Variants in HERC4 observed in about 807,000 individuals in gnomAD.
HERC4 encodes probable E3 ubiquitin-protein ligase HERC4.
A neutral mutation model predicts 124.3 loss-of-function variants in HERC4; 28 were observed. The observed-to-expected ratio is 0.23, with a 90% confidence interval of 0.17 to 0.31. The LOEUF (loss-of-function observed/expected upper bound fraction) is 0.31, where lower values mean the gene tolerates loss of function less well. Ranked by LOEUF, HERC4 falls within the 10% of genes least tolerant of loss-of-function variation. The probability of loss-of-function intolerance (pLI) is 1.00; values close to 1 mark genes in which losing one functional copy is unlikely to be tolerated. For missense variants in HERC4, 713 were observed against 1,229.3 expected, an observed-to-expected ratio of 0.58 and a Z score of 6.28; for synonymous variants, 407 against 421.5, an observed-to-expected ratio of 0.97 and a Z score of 0.42.
At chr10:68,040,549 G>A in intron 4 of HERC4, 4 of 561,212 alleles carry the variant, frequency 7.1e-6, no homozygotes, top group Non-Finnish European at 9.0e-6. Flanking sequence ...AAAAGATAAT[G>A]TGTTTAATCA....
intron 9 of HERC4, among the ~76,000 whole-genome samples, chr10:68,012,389 G>T (rs995769901): frequency 3.9e-5 from 6 of 152,112 alleles, no homozygotes; most frequent in Admixed American, 6.6e-5. Flanking sequence ...GATTTAAAGT[G>T]AGAAATGTGA....
rs2031963905 is a variant in HERC4, at chr10:67,932,798, C to G, written c.2655-18G>C. 6.4e-7 allele frequency: 1 copy of G among 1,571,708 alleles called. No homozygotes were observed. The highest frequency in any genetic ancestry group is 8.6e-7 in the Non-Finnish European group (1 of 1,166,284). ...ACTCTTGCCTAGAAATGAAAAAGCA[C>G]ACATGTACAGATTATAAAAATCATG... On this transcript the variant is annotated intron_variant, in intron 22 of 24. Coordinates refer to ENST00000373700, the MANE Select transcript of HERC4 (RefSeq NM_015601.4).
intron 3 of HERC4, among the ~76,000 whole-genome samples, chr10:68,051,057 GATTAAACCACATCA>G (rs2040271201): frequency 7.1e-6 from 1 of 141,286 alleles, no homozygotes; most frequent in Non-Finnish European, 1.5e-5. Flanking sequence ...GTTAAGGGGG[GATTAAACCACATCA>G]ATTGATGATC....
In HERC4 at chr10:67,955,562, A is replaced by T. The variant is rs140290933; in HGVS notation, c.2026-432T>A. On this transcript the variant is annotated intron_variant, in intron 17 of 24. Coordinates refer to ENST00000373700, the MANE Select transcript of HERC4 (RefSeq NM_015601.4). ...CAATGAGGGCAGATTACTTGAGGTC[A>T]GGAGTTCAAGACCAGCCTGGCCAAC... 3.2e-4 allele frequency: 49 copies of T among 153,488 alleles called. No individual in the cohort carries two copies. The East Asian group carries it at 4.4e-3, about 14-fold the overall frequency. The allele number at this position is 153,488 out of a possible 1,614,324, so 9.5% of individuals were successfully genotyped here. A position where few individuals can be genotyped will look rare whatever the true frequency, so the allele number is the denominator to read the frequency against.
intron 6 of HERC4, among the ~76,000 whole-genome samples, chr10:68,033,453 A>G (rs2039311376): frequency 6.6e-6 from 1 of 152,212 alleles, no homozygotes; most frequent in African/African-American, 2.4e-5. Context: ...ACTGGCATTC[A>G]ACTCAATGTA....
intron 3 of HERC4, among the ~76,000 whole-genome samples, chr10:68,072,483 G>C (rs867206059): frequency 3.3e-5 from 5 of 152,050 alleles, no homozygotes; most frequent in Admixed American, 1.3e-4. Flanking sequence ...AAAGTAAAAA[G>C]CTTCCGTCTT....
In HERC4 at chr10:68,059,843, T is replaced by TATATATCATAATATTATATATTATA. The variant is rs1564609908; in HGVS notation, c.226+13039_226+13040insTATAATATATAATATTATGATATAT. 1.9e-4 allele frequency among the ~76,000 whole-genome samples: 5 copies of TATATATCATAATATTATATATTATA among 26,306 alleles called. 2 individuals are homozygous for TATATATCATAATATTATATATTATA. The African/African-American group carries it at 2.2e-3, about 11-fold the overall frequency. 17.3% of individuals were successfully genotyped at this position (26,306 alleles called of 152,430 possible). A position where few individuals can be genotyped will look rare whatever the true frequency, so the allele number is the denominator to read the frequency against. On this transcript the variant is annotated intron_variant, in intron 3 of 24. Coordinates refer to ENST00000373700, the MANE Select transcript of HERC4 (RefSeq NM_015601.4). The stretch of plus-strand genomic sequence containing the variant: ...TATATCATAATATTATATATTATAA[T>TATATATCATAATATTATATATTATA]ATATTATATATCATAATATTATATA...
At chr10:68,011,366 C>T (rs2037944655) in intron 9 of HERC4, among the ~76,000 whole-genome samples, 1 of 152,188 alleles carries the variant, frequency 6.6e-6, no homozygotes, top group African/African-American at 2.4e-5. Context: ...TTACTTTGCC[C>T]AGAACTATCA....
At position 67,932,575 on chromosome 10, in the gene HERC4, T is replaced by G. The variant is rs201431244; in HGVS notation, c.2838+22A>C. 721 of 1,581,984 alleles carry G rather than the reference T, an allele frequency of 4.6e-4. 2 individuals carry two copies. The African/African-American group carries it at 8.8e-3, about 19-fold the overall frequency. On this transcript the variant is annotated intron_variant, in intron 23 of 24. Coordinates refer to ENST00000373700, the MANE Select transcript of HERC4 (RefSeq NM_015601.4). Reference sequence around the variant, plus strand: ...ATATAAATCTTTCCATTTAACAATATCAGAGATTAGTTTTCCCCTACCTTT... The same window carrying G: ...ATATAAATCTTTCCATTTAACAATAGCAGAGATTAGTTTTCCCCTACCTTT...
intron 6 of HERC4, among the ~76,000 whole-genome samples, chr10:68,033,572 ATT>A (rs2039317156): frequency 6.6e-6 from 1 of 152,224 alleles, no homozygotes; most frequent in Non-Finnish European, 1.5e-5. Flanking sequence ...CCAACCAAAG[ATT>A]AATTTAACAG....
chr10:67,939,923 T>G (rs1564930513), intron 20 of HERC4, among the ~76,000 whole-genome samples: 1 of 152,080 alleles, frequency 6.6e-6, no homozygotes. Flanking sequence ...TTTTCCTTAT[T>G]TTATTTTATT....
At chr10:68,039,460 A>G in intron 4 of HERC4, 1 of 1,550,926 alleles carries the variant, frequency 6.4e-7, no homozygotes, top group Non-Finnish European at 8.7e-7. Context: ...CTGACCAGAG[A>G]GTCGACACAC....
rs1012026403 is a variant in HERC4, at chr10:68,044,335, A to C, written c.386+69T>G. On this transcript the variant is annotated intron_variant, in intron 4 of 24. Coordinates refer to ENST00000373700, the MANE Select transcript of HERC4 (RefSeq NM_015601.4). Reference sequence around the variant, plus strand: ...AACTCTTACAGGCCCAAAGATAAGCAGAACAATTTAGATTAACAAATTTAT... The same window carrying C: ...AACTCTTACAGGCCCAAAGATAAGCCGAACAATTTAGATTAACAAATTTAT... 2.1e-6 allele frequency: 3 copies of C among 1,459,156 alleles called. No homozygotes were observed. The African/African-American group carries it at 4.3e-5, about 21-fold the overall frequency. 90.4% of individuals were successfully genotyped at this position (1,459,156 alleles called of 1,614,324 possible).
chr10:67,925,055 T>C (rs1193057096), intron 24 of HERC4, 30 bp downstream of exon 24: 32 of 1,211,542 alleles, frequency 2.6e-5, no homozygotes, highest in Non-Finnish European at 3.5e-5. Context: ...TCCAGTCTCA[T>C]AAAGTATACA....
chr10:67,957,294 C>T (rs552170914), intron 16 of HERC4, among the ~76,000 whole-genome samples: 1 of 152,206 alleles, frequency 6.6e-6, no homozygotes, highest in Non-Finnish European at 1.5e-5. Flanking sequence ...TTGGGGGCTC[C>T]TATGTTAAAT....
chr10:68,040,523 C>T lies in HERC4; in HGVS notation c.387-2354G>A, dbSNP rs371576019. On this transcript the variant is annotated intron_variant, in intron 4 of 24. Coordinates refer to ENST00000373700, the MANE Select transcript of HERC4 (RefSeq NM_015601.4). The stretch of plus-strand genomic sequence containing the variant: ...TTTGTTAGAACTCATCAAAAGTAAT[C>T]CCCTTTGTCACATAAAAAAGATAAT... 125 of 631,822 alleles carry T rather than the reference C, an allele frequency of 2.0e-4. 2 individuals carry two copies. The South Asian group carries it at 7.8e-3, about 39-fold the overall frequency. The allele number at this position is 631,822 out of a possible 1,614,324, so 39.1% of individuals were successfully genotyped here.
intron 7 of HERC4, among the ~76,000 whole-genome samples, chr10:68,027,894 A>C (rs2038985398): frequency 1.3e-5 from 2 of 151,654 alleles, no homozygotes; most frequent in Non-Finnish European, 2.9e-5. Context: ...ACTGCACTCC[A>C]GCCTGGGCAA....
intron 9 of HERC4, among the ~76,000 whole-genome samples, 186 bp downstream of exon 9, chr10:68,013,839 GA>G (rs1332490599): frequency 6.6e-6 from 1 of 152,118 alleles, no homozygotes; most frequent in East Asian, 1.9e-4. Flanking sequence ...TACTTATCCA[GA>G]ATTTCCTTAT....
intron 5 of HERC4, among the ~76,000 whole-genome samples, chr10:68,035,862 G>A (rs918973889): frequency 5.3e-5 from 8 of 152,052 alleles, no homozygotes; most frequent in Non-Finnish European, 7.4e-5. Flanking sequence ...GTCTAGTACC[G>A]CTGTCCTATG....
Sources: gnomAD v4.1 joint callset for allele counts (sites outside exome capture counted in the v4.1 genomes callset) on GRCh38, gnomAD v4.1.1 for gene constraint, MANE v1.5 for transcripts, NCBI Gene and HGNC (gene_info 2026-07-23, HGNC 2026-07-21) for gene names.